The following SPIDR variants were observed in gnomAD, a reference collection of about 807,000 sequenced individuals.
SPIDR encodes the protein scaffold protein involved in DNA repair.
A neutral mutation model predicts 104.6 loss-of-function variants in SPIDR; 93 were observed. The observed-to-expected ratio is 0.89, with a 90% CI of 0.75 to 1.06. The LOEUF is 1.06. Ranked by LOEUF, SPIDR falls within the 50% of genes least tolerant of loss-of-function variation. The pLI is 0.00. For missense variants in SPIDR, 1,154 were observed against 1,111.2 expected, an observed-to-expected ratio of 1.04 and a Z score of -0.55; for synonymous variants, 431 against 416.9, an observed-to-expected ratio of 1.03 and a Z score of -0.41.
At chr8:47,367,652 A>G (rs1210094536) in intron 5 of SPIDR, among the ~76,000 whole-genome samples, 2 of 152,196 alleles carry the variant, frequency 1.3e-5, no homozygotes, top group Admixed American at 6.5e-5. Flanking sequence ...AAGAAATTCT[A>G]CCACTTAGCC....
In SPIDR at chr8:47,373,492, C is replaced by CT. The variant is rs576590460; in HGVS notation, c.526-22874dup. 3.9e-3 allele frequency among the ~76,000 whole-genome samples: 573 copies of CT among 146,872 alleles called. 5 individuals are homozygous for CT. The highest frequency in any genetic ancestry group is 0.013 in the African/African-American group (522 of 40,060). On this transcript the variant is annotated intron_variant, in intron 5 of 19. Coordinates refer to ENST00000297423, the MANE Select transcript of SPIDR (RefSeq NM_001080394.4). ...CAGTAGTTTAGGTGGGATTTTTTTT[C>CT]TTTTTTTTTTAATTTTTATTTTTGT...
Position 47,352,305 on chromosome 8 carries a change from A to G in SPIDR, c.526-44071A>G, listed in dbSNP as rs559363790. 5.3e-5 allele frequency among the ~76,000 whole-genome samples: 8 copies of G among 152,024 alleles called. No individual in the cohort carries two copies. In the East Asian group the frequency reaches 1.4e-3, roughly 26 times the overall value. On this transcript the variant is annotated intron_variant, in intron 5 of 19. Transcript: ENST00000297423. ...AAAAAAAAAAAAAGAAAGAAAGAAA[A>G]TAATTTGACCGTGTACTTCTTGTTT...
At chr8:47,607,768 T>G (rs2063136132) in intron 10 of SPIDR, among the ~76,000 whole-genome samples, 3 of 151,938 alleles carry the variant, frequency 2.0e-5, no homozygotes, top group African/African-American at 7.3e-5. Flanking sequence ...TTATATTCTT[T>G]GCCATTCTTC....
intron 8 of SPIDR, among the ~76,000 whole-genome samples, chr8:47,551,495 T>C (rs1467349692): frequency 6.6e-6 from 1 of 152,200 alleles, no homozygotes; most frequent in African/African-American, 2.4e-5. Context: ...TGGTTTAGTC[T>C]TGGGAGGGTG....
intron 5 of SPIDR, among the ~76,000 whole-genome samples, chr8:47,299,445 C>T (rs1219881985): frequency 1.3e-5 from 2 of 151,890 alleles, no homozygotes; most frequent in Non-Finnish European, 2.9e-5. Flanking sequence ...CCTTTATTTC[C>T]TTCTCCTGCC....
chr8:47,513,866 A>C (rs2082726860), intron 8 of SPIDR, among the ~76,000 whole-genome samples: 1 of 152,192 alleles, frequency 6.6e-6, no homozygotes, highest in African/African-American at 2.4e-5. Context: ...GTTTTCCTAC[A>C]GTCTATTATT....
chr8:47,325,596 G>C lies in SPIDR; in HGVS notation c.525+31566G>C. 1.3e-5 allele frequency among the ~76,000 whole-genome samples: 2 copies of C among 152,172 alleles called. 1 individual carries two copies. Among genetic ancestry groups the C allele is most frequent in the Non-Finnish European group, 2.9e-5 (2 of 68,034 alleles). ...TTTGGAAGGAATTTACTTAAAACAA[G>C]TTACTGATCTAACCAACTTCTTGAG... On this transcript the variant is annotated intron_variant, in intron 5 of 19. Coordinates refer to ENST00000297423, the MANE Select transcript of SPIDR (RefSeq NM_001080394.4).
chr8:47,546,965 G>T (rs764733043), intron 8 of SPIDR: 3 of 494,784 alleles, frequency 6.1e-6, no homozygotes, highest in Non-Finnish European at 8.0e-6. Flanking sequence ...CATCTTTCAC[G>T]TGAACCACAT....
chr8:47,496,593 G>C (rs1012906322), intron 8 of SPIDR, among the ~76,000 whole-genome samples: 1 of 151,938 alleles, frequency 6.6e-6, no homozygotes, highest in Non-Finnish European at 1.5e-5. Flanking sequence ...GATTTGGTTT[G>C]CTCACATTTT....
At chr8:47,277,747 T>C (rs2036833536) in intron 1 of SPIDR, among the ~76,000 whole-genome samples, 1 of 148,720 alleles carries the variant, frequency 6.7e-6, no homozygotes, top group Non-Finnish European at 1.5e-5. Context: ...CAAACTTGGC[T>C]CACTGCAACC....
chr8:47,455,777 T>C (rs1554709441), intron 8 of SPIDR, among the ~76,000 whole-genome samples: 1 of 152,146 alleles, frequency 6.6e-6, no homozygotes, highest in Non-Finnish European at 1.5e-5. Context: ...CATTATAAAT[T>C]GATAAAAGGT....
chr8:47,671,883 T>A lies in SPIDR; in HGVS notation c.1545-1918T>A, dbSNP rs148617270. 3.8e-3 allele frequency among the ~76,000 whole-genome samples: 585 copies of A among 152,354 alleles called. 3 individuals are homozygous for A. The highest frequency in any genetic ancestry group is 0.023 in the South Asian group (109 of 4,828). ...ACAGCTCATAGTCTTTGGTATTCTC[T>A]AGTTTCATTACAGTGAGTATATTAG... On this transcript the variant is annotated intron_variant, in intron 10 of 19. Coordinates refer to ENST00000297423, the MANE Select transcript of SPIDR (RefSeq NM_001080394.4).
intron 8 of SPIDR, among the ~76,000 whole-genome samples, chr8:47,525,574 G>T (rs559834943): frequency 1.4e-5 from 2 of 144,212 alleles, no homozygotes; most frequent in African/African-American, 4.9e-5. Flanking sequence ...GCCAGGGTGG[G>T]CGGATCACCT....
rs761582680 is a variant in SPIDR, at chr8:47,530,919, C to CT, written c.1098-64881dup. Among the ~76,000 whole-genome samples the CT allele has an allele frequency of 7.6e-3, 1,113 of 146,044 alleles. 10 individuals carry two copies. Among genetic ancestry groups the CT allele is most frequent in the Middle Eastern group, 0.018 (5 of 284 alleles). On this transcript the variant is annotated intron_variant, in intron 8 of 19. Transcript: ENST00000297423. ...TTTTTTCTATTAAAATTTTTTATAA[C>CT]TTTTTTTTTTTAAAGGCAAGGTTGT...
chr8:47,343,533 AG>A (rs2051197012), intron 5 of SPIDR, among the ~76,000 whole-genome samples: 1 of 152,288 alleles, frequency 6.6e-6, no homozygotes, highest in African/African-American at 2.4e-5. Context: ...AAGAAGCCTG[AG>A]GATTTCTTGT....
chr8:47,538,668 GC>G (rs2154387720), intron 8 of SPIDR, among the ~76,000 whole-genome samples: 1 of 152,102 alleles, frequency 6.6e-6, no homozygotes, highest in African/African-American at 2.4e-5. Context: ...TTCAGGTTTT[GC>G]CTCTATAAAT....
chr8:47,298,773 G>T (rs1277670805), intron 5 of SPIDR, among the ~76,000 whole-genome samples: 2 of 152,084 alleles, frequency 1.3e-5, no homozygotes, highest in Non-Finnish European at 2.9e-5. Context: ...TAGATATGCG[G>T]CATTATTTCT....
intron 1 of SPIDR, among the ~76,000 whole-genome samples, chr8:47,261,370 C>T (rs1657641117): frequency 6.6e-6 from 1 of 152,216 alleles, no homozygotes; most frequent in Non-Finnish European, 1.5e-5. Flanking sequence ...TTACCCGTCT[C>T]CGCGGATAAT....
At chr8:47,531,654 TCTC>T (rs1587279787) in intron 8 of SPIDR, among the ~76,000 whole-genome samples, 1 of 152,176 alleles carries the variant, frequency 6.6e-6, no homozygotes, top group African/African-American at 2.4e-5. Flanking sequence ...TTCTGTTTCT[TCTC>T]CTGCAGTTTC....
Sources: gnomAD v4.1 joint callset for allele counts (sites outside exome capture counted in the v4.1 genomes callset) on GRCh38, gnomAD v4.1.1 for gene constraint, MANE v1.5 for transcripts, NCBI Gene and HGNC (gene_info 2026-07-23, HGNC 2026-07-21) for gene names.